The following SNX9 variants were observed in gnomAD, a reference collection of about 807,000 sequenced individuals.
The protein encoded by SNX9 is sorting nexin-9.
Under a neutral mutation model 89.4 loss-of-function variants are expected in SNX9, and 44 were observed. The ratio of observed to expected loss-of-function variants is 0.49; its 90% CI spans 0.39 to 0.63. The LOEUF (loss-of-function observed/expected upper bound fraction) is 0.63, where lower values mean the gene tolerates loss of function less well. Ranked by LOEUF, SNX9 falls within the 30% of genes least tolerant of loss-of-function variation. The probability of loss-of-function intolerance (pLI) is 0.00; values close to 1 mark genes in which losing one functional copy is unlikely to be tolerated. For synonymous variants in SNX9, 236 were observed against 247.8 expected, an observed-to-expected ratio of 0.95 and a Z score of 0.45; for missense variants, 578 against 736.1, an observed-to-expected ratio of 0.79 and a Z score of 2.49.
chr6:157,929,574 A>G (rs1279035563), intron 12 of SNX9, among the ~76,000 whole-genome samples: 3 of 152,242 alleles, frequency 2.0e-5, no homozygotes, highest in African/African-American at 7.2e-5. Context: ...CCTTCACCTC[A>G]TAACACCATA....
intron 1 of SNX9, among the ~76,000 whole-genome samples, chr6:157,859,103 C>G (rs538450860): frequency 6.6e-6 from 1 of 152,300 alleles, no homozygotes; most frequent in Admixed American, 6.5e-5. Context: ...CATTACTGTA[C>G]ATGATGTCTT....
rs891792528 is a variant in SNX9 at position 157,823,283 on chromosome 6, C to G, written c.-152C>G. ...GCGCCCAGCGGCTGGGCCTGAGCGTCGAGACTCGGGGCCGAGGCGGAGGAG... is the reference window on the plus strand; with the variant it reads ...GCGCCCAGCGGCTGGGCCTGAGCGTGGAGACTCGGGGCCGAGGCGGAGGAG... On this transcript the variant is annotated 5_prime_UTR_variant, in exon 1 of 18. Transcript: ENST00000392185. The surrounding 1 kb of genome is among the most constrained non-coding windows in gnomAD (Gnocchi z 4.6). 5 of 522,604 alleles carry G rather than the reference C, an allele frequency of 9.6e-6. No individual in the cohort carries two copies. The highest frequency in any genetic ancestry group is 2.1e-5 in the African/African-American group (1 of 48,468). 32.4% of individuals were successfully genotyped at this position (522,604 alleles called of 1,614,324 possible). A position where few individuals can be genotyped will look rare whatever the true frequency, so the allele number is the denominator to read the frequency against.
intron 1 of SNX9, among the ~76,000 whole-genome samples, chr6:157,864,263 G>A (rs1310688696): frequency 1.3e-5 from 2 of 152,142 alleles, no homozygotes; most frequent in African/African-American, 4.8e-5. Context: ...TTTTGTAGCA[G>A]TGTTGATCCC....
intron 1 of SNX9, among the ~76,000 whole-genome samples, chr6:157,852,611 C>T (rs901443746): frequency 6.6e-5 from 10 of 152,102 alleles, no homozygotes; most frequent in Admixed American, 5.9e-4. Flanking sequence ...CAGGGTCTTG[C>T]TTTGTTGCCC....
intron 4 of SNX9, among the ~76,000 whole-genome samples, chr6:157,896,476 T>C (rs1317843467): frequency 2.0e-5 from 3 of 152,210 alleles, no homozygotes; most frequent in Admixed American, 6.5e-5. Context: ...AGCTGAAGTA[T>C]GAAAACACAC....
intron 10 of SNX9, among the ~76,000 whole-genome samples, chr6:157,924,122 C>G (rs1168461159): frequency 6.6e-6 from 1 of 151,918 alleles, no homozygotes; most frequent in Non-Finnish European, 1.5e-5. Context: ...CGTTGGAACC[C>G]GGGGGTAAAG....
At chr6:157,875,873 G>A (rs575818044) in intron 4 of SNX9, among the ~76,000 whole-genome samples, 1 of 152,282 alleles carries the variant, frequency 6.6e-6, no homozygotes, top group South Asian at 2.1e-4. Flanking sequence ...GGGCACAGTA[G>A]CTCACGCCTG....
chr6:157,912,519 A>G (rs897858426), intron 9 of SNX9, among the ~76,000 whole-genome samples: 2 of 152,212 alleles, frequency 1.3e-5, no homozygotes, highest in African/African-American at 4.8e-5. Flanking sequence ...GCTTTGATTC[A>G]CTAACTGGGA....
intron 16 of SNX9, among the ~76,000 whole-genome samples, chr6:157,939,959 G>A (rs1355924681): frequency 6.6e-6 from 1 of 151,876 alleles, no homozygotes. Context: ...CTAGAGTTGG[G>A]GGCAGGGGCA....
chr6:157,904,991 A>G (rs1190381900), intron 6 of SNX9, among the ~76,000 whole-genome samples: 1 of 152,220 alleles, frequency 6.6e-6, no homozygotes, highest in Non-Finnish European at 1.5e-5. Flanking sequence ...AAATGTACTG[A>G]GTACATACTA....
At chr6:157,825,775 A>C (rs1355370334) in intron 1 of SNX9, among the ~76,000 whole-genome samples, 4 of 152,138 alleles carry the variant, frequency 2.6e-5, no homozygotes, top group Admixed American at 6.5e-5. Flanking sequence ...CTCATTTTTT[A>C]ATTGTTCCCA....
Position 157,915,656 on chromosome 6 carries a change from T to TATAC in SNX9, c.949+5632_949+5633insTACA, listed in dbSNP as rs1783450978. On this transcript the variant is annotated intron_variant, in intron 9 of 17. Transcript: ENST00000392185. ...AAAAAAAAAAATATATATATATATA[T>TATAC]ACACACACACACACAAAAATTAGCC... Among the ~76,000 whole-genome samples the TATAC allele has an allele frequency of 7.5e-5, 9 of 120,132 alleles. 1 individual carries two copies. Among genetic ancestry groups the TATAC allele is most frequent in the African/African-American group, 3.0e-4 (9 of 29,960 alleles). 78.8% of individuals were successfully genotyped at this position (120,132 alleles called of 152,430 possible). A position where few individuals can be genotyped will look rare whatever the true frequency, so the allele number is the denominator to read the frequency against.
chr6:157,915,526 C>G (rs1783442011), intron 9 of SNX9, among the ~76,000 whole-genome samples: 1 of 150,112 alleles, frequency 6.7e-6, no homozygotes, highest in Non-Finnish European at 1.5e-5. Context: ...TGGCTCATGC[C>G]TGTAATCTCA....
rs76068354 is a variant in SNX9, at chr6:157,906,025, A to G, written c.621-103A>G. On this transcript the variant is annotated intron_variant, in intron 6 of 17. Transcript: ENST00000392185. ...ACAGTTTCCAGTTCTAGTGCACCCG[A>G]AAGACAGGACAAGGTTAAAACTGGT... The G allele has an allele frequency of 1.8e-4, 173 of 936,504 alleles. No individual in the cohort carries two copies. In the East Asian group the frequency reaches 4.6e-3, roughly 25 times the overall value. 58.0% of individuals were successfully genotyped at this position (936,504 alleles called of 1,614,324 possible). A position where few individuals can be genotyped will look rare whatever the true frequency, so the allele number is the denominator to read the frequency against.
In SNX9 at chr6:157,853,096, C is replaced by T. The variant is rs756706494; in HGVS notation, c.13-14451C>T. ...TCAGTTTTCCATCTAGTATCATTTT[C>T]GTTCTGGTAAAAGCATGTTTGACAT... On this transcript the variant is annotated intron_variant, in intron 1 of 17. Coordinates refer to ENST00000392185, the MANE Select transcript of SNX9 (RefSeq NM_016224.5). Among the ~76,000 whole-genome samples, 6 of 151,524 alleles carry T rather than the reference C, an allele frequency of 4.0e-5. No individual in the cohort carries two copies. The East Asian group carries it at 7.7e-4, about 20-fold the overall frequency.
chr6:157,861,445 G>A (rs1478355666), intron 1 of SNX9, among the ~76,000 whole-genome samples: 1 of 152,200 alleles, frequency 6.6e-6, no homozygotes. Context: ...GTGCTCATCA[G>A]GCTTTCCGAT....
At chr6:157,830,940 A>G (rs1042259777) in intron 1 of SNX9, among the ~76,000 whole-genome samples, 2 of 152,076 alleles carry the variant, frequency 1.3e-5, no homozygotes, top group African/African-American at 4.8e-5. Flanking sequence ...CCTTCTGTTC[A>G]CTATTCTTTC....
chr6:157,928,773 T>C (rs185526171), intron 12 of SNX9, 71 bp downstream of exon 12: 1 of 1,198,016 alleles, frequency 8.3e-7, no homozygotes. Flanking sequence ...TCCCTTATCA[T>C]AGAGGGGAAC....
At chr6:157,848,072 G>A (rs1781838016) in intron 1 of SNX9, among the ~76,000 whole-genome samples, 1 of 152,018 alleles carries the variant, frequency 6.6e-6, no homozygotes, top group East Asian at 1.9e-4. Flanking sequence ...TTCTGTAATT[G>A]CACTCACCAC....
Sources: gnomAD v4.1 joint callset for allele counts (sites outside exome capture counted in the v4.1 genomes callset) on GRCh38, gnomAD v4.1.1 for gene constraint, Gnocchi (gnomAD v3.1) non-coding constraint, MANE v1.5 for transcripts, NCBI Gene and HGNC (gene_info 2026-07-23, HGNC 2026-07-21) for gene names.